Variants in NUP98 observed in about 807,000 individuals in gnomAD.
The protein encoded by NUP98 is nucleoporin 98 and 96 precursor, also known as nuclear pore complex protein Nup98-Nup96.
NUP98 carries 26 observed loss-of-function variants against 191.9 expected under a neutral mutation model. That is an observed-to-expected ratio of 0.14 (90% CI 0.10 to 0.19). The LOEUF is 0.19. NUP98 is among the 10% of genes least tolerant of loss of function. NUP98 has a pLI of 1.00. For synonymous variants in NUP98, 808 were observed against 778.4 expected, an observed-to-expected ratio of 1.04 and a Z score of -0.63; for missense variants, 1,941 against 2,178.8, an observed-to-expected ratio of 0.89 and a Z score of 2.17.
intron 29 of NUP98, among the ~76,000 whole-genome samples, chr11:3,683,817 C>T (rs1464761467): frequency 6.6e-6 from 1 of 152,018 alleles, no homozygotes; most frequent in African/African-American, 2.4e-5. Flanking sequence ...GGATTACAGG[C>T]GTGAGCCACC....
At chr11:3,740,289 T>C (rs1245590428) in intron 12 of NUP98, among the ~76,000 whole-genome samples, 4 of 152,186 alleles carry the variant, frequency 2.6e-5, no homozygotes, top group South Asian at 2.1e-4. Flanking sequence ...AGCGAGAGGA[T>C]TGCTTGAGGT....
In NUP98 at chr11:3,712,103, G is replaced by A. The variant is rs1480905509; in HGVS notation, c.2742+461C>T. 3.6e-5 allele frequency: 38 copies of A among 1,054,028 alleles called. No individual in the cohort carries two copies. In the East Asian group the frequency reaches 4.3e-4, roughly 12 times the overall value. The allele number at this position is 1,054,028 out of a possible 1,614,324, so 65.3% of individuals were successfully genotyped here. A position where few individuals can be genotyped will look rare whatever the true frequency, so the allele number is the denominator to read the frequency against. ...TAAAATACAAATATCAAGGTTACCC[G>A]AAGTATAAGCAAACAACTTTAAAAA... On this transcript the variant is annotated intron_variant, in intron 20 of 32. Transcript: ENST00000324932.
chr11:3,776,814 G>A (rs1011069056), intron 4 of NUP98, among the ~76,000 whole-genome samples: 8 of 151,836 alleles, frequency 5.3e-5, no homozygotes, highest in African/African-American at 1.9e-4. Flanking sequence ...CATACAGAAA[G>A]ATACGTACTT....
intron 8 of NUP98, among the ~76,000 whole-genome samples, chr11:3,764,184 T>A (rs945423231): frequency 6.6e-5 from 10 of 152,294 alleles, no homozygotes; most frequent in East Asian, 3.9e-4. Flanking sequence ...GAACATTTAA[T>A]GTGAATGGAG....
At chr11:3,697,999 T>C (rs183003089) in intron 25 of NUP98, among the ~76,000 whole-genome samples, 18 of 152,280 alleles carry the variant, frequency 1.2e-4, no homozygotes, top group Admixed American at 9.2e-4. Context: ...TTTGAATGAA[T>C]TGATATAGAA....
rs143715117 is a variant in NUP98, at chr11:3,702,481, T to C, written c.3494A>G (p.Asn1165Ser). The C allele has an allele frequency of 2.4e-4, 394 of 1,613,752 alleles. 3 individuals are homozygous for C. The African/African-American group carries it at 4.2e-3, about 17-fold the overall frequency. ...GACTCACGGTTTAACAGCTACTGGA[T>C]TGGGCAGGAATCCAAACTCCATGGA... ...ADSMEFGFLP[N>S]PVAVKPLTES... The change falls in exon 23 of 33, where the codon AAT (asparagine) becomes AGT (serine). Residue 1165 changes from asparagine to serine, a missense_variant. By Grantham distance (46) the Asn-to-Ser change is conservative. Around this residue, in one of 6 missense-constraint regions of NUP98, gnomAD observed 1,030 missense variants for 1,115.8 expected, o/e 0.92. Coordinates refer to ENST00000324932, the MANE Select transcript of NUP98 (RefSeq NM_016320.5).
intron 1 of NUP98, among the ~76,000 whole-genome samples, chr11:3,791,125 G>A (rs2082327813): frequency 6.6e-6 from 1 of 151,994 alleles, no homozygotes; most frequent in South Asian, 2.1e-4. Context: ...TCGATCTCCT[G>A]ACCTTGTGAT....
At chr11:3,792,616 CAAAG>C (rs1328571397) in intron 1 of NUP98, among the ~76,000 whole-genome samples, 6 of 151,282 alleles carry the variant, frequency 4.0e-5, no homozygotes, top group Non-Finnish European at 8.9e-5. Context: ...GTCTCAAAAA[CAAAG>C]AAACAAACAA....
chr11:3,763,132 G>T, intron 8 of NUP98, 93 bp from the exon 9 acceptor site: 1 of 1,219,214 alleles, frequency 8.2e-7, no homozygotes. Context: ...ATTTTTTCAA[G>T]CTTATATGAC....
At chr11:3,760,154 C>A in intron 10 of NUP98, 2 of 197,266 alleles carry the variant, frequency 1.0e-5, no homozygotes, top group Non-Finnish European at 2.1e-5. Flanking sequence ...CACAACAAAC[C>A]AACAACGACA....
chr11:3,780,832 C>T (rs2081943719), intron 2 of NUP98, among the ~76,000 whole-genome samples: 1 of 151,980 alleles, frequency 6.6e-6, no homozygotes, highest in Non-Finnish European at 1.5e-5. Context: ...GTAATCCCAG[C>T]ACTTTGGGAG....
intron 31 of NUP98, among the ~76,000 whole-genome samples, chr11:3,676,886 ACAG>A (rs2077831561): frequency 6.6e-6 from 1 of 152,208 alleles, no homozygotes; most frequent in Non-Finnish European, 1.5e-5. Flanking sequence ...CTTTAATAAC[ACAG>A]CACCAAAAAT....
chr11:3,691,545 G>A, intron 27 of NUP98, 56 bp from the exon 28 acceptor site: 2 of 1,536,226 alleles, frequency 1.3e-6, no homozygotes, highest in South Asian at 1.2e-5. Flanking sequence ...TTTACTAGAT[G>A]CCATTATGTT....
chr11:3,731,322 G>T (rs373730242), intron 14 of NUP98, 69 bp downstream of exon 14: 1 of 993,922 alleles, frequency 1.0e-6, no homozygotes, highest in Non-Finnish European at 1.4e-6. Context: ...TTAAATAATT[G>T]TATATTATTT....
chr11:3,789,826 C>G (rs2082274876), intron 1 of NUP98, among the ~76,000 whole-genome samples: 1 of 152,118 alleles, frequency 6.6e-6, no homozygotes, highest in Non-Finnish European at 1.5e-5. Context: ...TGTTGCCAGG[C>G]TGGAGTGCAG....
At chr11:3,765,900 T>C (rs1336001497) in intron 8 of NUP98, among the ~76,000 whole-genome samples, 1 of 152,182 alleles carries the variant, frequency 6.6e-6, no homozygotes, top group Non-Finnish European at 1.5e-5. Context: ...TAACCAGTTG[T>C]CCCAGCACCA....
intron 12 of NUP98, among the ~76,000 whole-genome samples, chr11:3,742,738 G>T (rs1370434901): frequency 1.3e-5 from 2 of 150,704 alleles, no homozygotes; most frequent in African/African-American, 4.9e-5. Flanking sequence ...AAGAAATAAG[G>T]GTAATAAAAA....
At chr11:3,685,647 T>A (rs1359992533) in intron 29 of NUP98, among the ~76,000 whole-genome samples, 1 of 152,222 alleles carries the variant, frequency 6.6e-6, no homozygotes, top group Admixed American at 6.5e-5. Context: ...ATTCCAATTT[T>A]ACAGGTTCTT....
intron 30 of NUP98, among the ~76,000 whole-genome samples, chr11:3,680,471 G>T (rs1350109739): frequency 1.3e-5 from 2 of 152,128 alleles, no homozygotes; most frequent in Admixed American, 1.3e-4. Context: ...ATCCATGAGG[G>T]CTGGATTCAA....
Sources: gnomAD v4.1 joint callset for allele counts (sites outside exome capture counted in the v4.1 genomes callset) on GRCh38, gnomAD v4.1.1 for gene constraint, gnomAD v4.1.1 regional missense constraint, MANE v1.5 for transcripts, NCBI Gene and HGNC (gene_info 2026-07-23, HGNC 2026-07-21) for gene names.